The following CNTNAP2 variants were observed in gnomAD, a reference collection of about 807,000 sequenced individuals.
CNTNAP2 encodes contactin associated protein 2, also known as contactin-associated protein-like 2.
In CNTNAP2, 98 loss-of-function variants were observed where a neutral mutation model predicts 155.2. That is an observed-to-expected ratio of 0.63 (90% CI 0.54 to 0.75). CNTNAP2 has a LOEUF of 0.75. Ranked by LOEUF, CNTNAP2 falls within the 30% of genes least tolerant of loss-of-function variation. CNTNAP2 has a pLI of 0.00. For missense variants in CNTNAP2, 1,727 were observed against 1,688.1 expected (o/e 1.02, Z -0.40); for synonymous variants, 651 against 631.2 (o/e 1.03, Z -0.47).
intron 3 of CNTNAP2, among the ~76,000 whole-genome samples, chr7:146,859,503 A>C (rs921879280): frequency 2.6e-5 from 4 of 152,022 alleles, no homozygotes; most frequent in Non-Finnish European, 5.9e-5. Flanking sequence ...CTAAAAATAC[A>C]AAATTAGCCA....
chr7:147,689,331 G>C (rs1796057270), intron 13 of CNTNAP2, among the ~76,000 whole-genome samples: 1 of 151,778 alleles, frequency 6.6e-6, no homozygotes, highest in African/African-American at 2.4e-5. Context: ...TTGATTTTTA[G>C]TGGAGACAGG....
intron 9 of CNTNAP2, among the ~76,000 whole-genome samples, chr7:147,342,763 G>C (rs1314016040): frequency 5.3e-5 from 8 of 152,060 alleles, no homozygotes; most frequent in African/African-American, 1.9e-4. Flanking sequence ...CAACAGAACA[G>C]TAATGAAATG....
intron 13 of CNTNAP2, among the ~76,000 whole-genome samples, chr7:147,756,719 T>A (rs1467331): frequency 0.34 from 52,177 of 152,114 alleles, 9,893 homozygotes; most frequent in African/African-American, 0.49. Flanking sequence ...CTCCTTCCTC[T>A]AAGACATCAG....
intron 21 of CNTNAP2, among the ~76,000 whole-genome samples, chr7:148,332,872 A>G (rs1422539319): frequency 6.6e-6 from 1 of 152,194 alleles, no homozygotes; most frequent in Admixed American, 6.5e-5. Flanking sequence ...TAAATCTGCA[A>G]AAAAAGAAAC....
At chr7:147,763,535 C>G (rs181984638) in intron 13 of CNTNAP2, among the ~76,000 whole-genome samples, 50 of 151,714 alleles carry the variant, frequency 3.3e-4, no homozygotes, top group Admixed American at 1.1e-3. Flanking sequence ...AAAGGTAGAA[C>G]AGCTCTCCTC....
At chr7:147,617,287 C>A (rs1225567757) in intron 12 of CNTNAP2, among the ~76,000 whole-genome samples, 1 of 152,026 alleles carries the variant, frequency 6.6e-6, no homozygotes, top group Non-Finnish European at 1.5e-5. Context: ...GCACTTGTTT[C>A]TATTTTGTAG....
chr7:148,179,926 G>A (rs145431930), intron 18 of CNTNAP2, among the ~76,000 whole-genome samples: 15 of 152,304 alleles, frequency 9.8e-5, no homozygotes, highest in African/African-American at 1.9e-4. Flanking sequence ...TGCCAAAAGC[G>A]GTTGGAAGAC....
intron 4 of CNTNAP2, among the ~76,000 whole-genome samples, chr7:147,103,761 G>A (rs1800700842): frequency 6.6e-6 from 1 of 151,206 alleles, no homozygotes; most frequent in Non-Finnish European, 1.5e-5. Context: ...AATAAAAATT[G>A]TATATATTTG....
intron 14 of CNTNAP2, among the ~76,000 whole-genome samples, chr7:147,955,564 T>C (rs980227930): frequency 6.6e-6 from 1 of 152,200 alleles, no homozygotes; most frequent in Admixed American, 6.5e-5. Context: ...AACCCCCAGT[T>C]GTCTCCTGGC....
chr7:146,918,778 C>T (rs1796444167), intron 3 of CNTNAP2, among the ~76,000 whole-genome samples: 1 of 152,194 alleles, frequency 6.6e-6, no homozygotes, highest in Non-Finnish European at 1.5e-5. Flanking sequence ...ATATGTTTTC[C>T]AAACTTTTAG....
At chr7:146,364,735 T>G (rs1396046594) in intron 1 of CNTNAP2, among the ~76,000 whole-genome samples, 2 of 152,222 alleles carry the variant, frequency 1.3e-5, no homozygotes, top group South Asian at 4.1e-4. Flanking sequence ...CAAAGATAAT[T>G]AGACACAGCC....
intron 8 of CNTNAP2, among the ~76,000 whole-genome samples, chr7:147,234,924 T>C (rs1803765868): frequency 6.6e-6 from 1 of 152,154 alleles, no homozygotes; most frequent in Non-Finnish European, 1.5e-5. Context: ...ATTATTGTGA[T>C]TATTTGATGC....
chr7:148,116,185 C>T (rs1300413074), intron 15 of CNTNAP2, among the ~76,000 whole-genome samples: 2 of 151,100 alleles, frequency 1.3e-5, no homozygotes, highest in African/African-American at 4.9e-5. Flanking sequence ...AGATTAGGAA[C>T]ACATTAAGAA....
Position 146,792,936 on chromosome 7 carries a change from TACATGGTGAGCCATATA to T in CNTNAP2, c.208+18556_208+18572del, listed in dbSNP as rs1197475813. Among the ~76,000 whole-genome samples the T allele has an allele frequency of 2.6e-5, 4 of 152,288 alleles. No homozygotes were observed. The East Asian group carries it at 7.7e-4, about 29-fold the overall frequency. The stretch of plus-strand genomic sequence containing the variant: ...TCTATGTCAGCACTGTCTGGTAAAA[TACATGGTGAGCCATATA>T]TGTAATTTTCAATTATCTAATACCT... On this transcript the variant is annotated intron_variant, in intron 2 of 23. Transcript: ENST00000361727.
intron 8 of CNTNAP2, among the ~76,000 whole-genome samples, chr7:147,253,781 C>A (rs1804257316): frequency 6.6e-6 from 1 of 152,192 alleles, no homozygotes; most frequent in Non-Finnish European, 1.5e-5. Flanking sequence ...AGGCTTCAGG[C>A]TGGACGAGTG....
chr7:146,422,525 T>A (rs1197320473), intron 1 of CNTNAP2, among the ~76,000 whole-genome samples: 1 of 152,066 alleles, frequency 6.6e-6, no homozygotes, highest in Non-Finnish European at 1.5e-5. Flanking sequence ...TTTTCATCTC[T>A]ATTTGAAAAA....
At chr7:148,290,107 T>C (rs976986345) in intron 21 of CNTNAP2, among the ~76,000 whole-genome samples, 1 of 152,200 alleles carries the variant, frequency 6.6e-6, no homozygotes, top group African/African-American at 2.4e-5. Flanking sequence ...ATTTAAGTAG[T>C]CACGGTATCC....
At chr7:147,039,178 G>A (rs755284488) in intron 3 of CNTNAP2, among the ~76,000 whole-genome samples, 6 of 147,158 alleles carry the variant, frequency 4.1e-5, no homozygotes, top group East Asian at 2.0e-4. Flanking sequence ...GTATGTGTAG[G>A]TATACATATA....
At chr7:147,495,129 T>C (rs1186745964) in intron 11 of CNTNAP2, among the ~76,000 whole-genome samples, 2 of 152,254 alleles carry the variant, frequency 1.3e-5, no homozygotes, top group East Asian at 3.9e-4. Context: ...GAAGGTAACA[T>C]GTATTTATGT....
Sources: allele counts gnomAD v4.1 joint callset (sites outside exome capture counted in the v4.1 genomes callset), GRCh38; gene constraint gnomAD v4.1.1; transcripts MANE v1.5; gene names NCBI Gene and HGNC (gene_info 2026-07-23, HGNC 2026-07-21).